The following ILDR2 variants were observed in gnomAD, a reference collection of about 807,000 sequenced individuals.
The protein encoded by ILDR2 is immunoglobulin-like domain-containing receptor 2.
In ILDR2, 25 loss-of-function variants were observed where a neutral mutation model predicts 66.8. The observed-to-expected ratio is 0.37, with a 90% CI of 0.27 to 0.52. ILDR2 has a LOEUF of 0.52. ILDR2 is among the 20% of genes least tolerant of loss of function. The probability of loss-of-function intolerance (pLI) is 0.88; values close to 1 mark genes in which losing one functional copy is unlikely to be tolerated. For synonymous variants in ILDR2, 367 were observed against 357.2 expected, an observed-to-expected ratio of 1.03 and a Z score of -0.31; for missense variants, 827 against 876.8, an observed-to-expected ratio of 0.94 and a Z score of 0.72.
In ILDR2 at chr1:166,938,295, C is replaced by G. The variant is rs76929931; in HGVS notation, c.556+1219G>C. Reference sequence around the variant, plus strand: ...TTGGGTCAAGCATTCAAGGATAAGACTGGAAAGTTATATGTGAGAAACAAA... The same window carrying G: ...TTGGGTCAAGCATTCAAGGATAAGAGTGGAAAGTTATATGTGAGAAACAAA... On this transcript the variant is annotated intron_variant, in intron 4 of 9. Transcript: ENST00000271417. 1.2e-3 allele frequency among the ~76,000 whole-genome samples: 180 copies of G among 152,252 alleles called. 1 individual carries two copies. In the East Asian group the frequency reaches 0.03, roughly 26 times the overall value.
chr1:166,966,408 T>C (rs548376448), intron 1 of ILDR2, among the ~76,000 whole-genome samples: 1 of 152,136 alleles, frequency 6.6e-6, no homozygotes, highest in East Asian at 1.9e-4. Flanking sequence ...TCGTATGTTT[T>C]CCCCCCAAGA....
chr1:166,922,517 TC>T, intron 8 of ILDR2, 75 bp downstream of exon 8: 1 of 1,165,262 alleles, frequency 8.6e-7, no homozygotes. Flanking sequence ...GATGGCATCT[TC>T]CTTGCCTCCG....
chr1:166,963,522 G>A (rs751504613), intron 1 of ILDR2, among the ~76,000 whole-genome samples: 10 of 152,184 alleles, frequency 6.6e-5, no homozygotes, highest in Non-Finnish European at 1.2e-4. Flanking sequence ...ACCTGGGTTT[G>A]AGAATAGCCA....
chr1:166,957,388 G>A (rs1662343300), intron 2 of ILDR2, among the ~76,000 whole-genome samples: 1 of 152,132 alleles, frequency 6.6e-6, no homozygotes, highest in East Asian at 1.9e-4. Flanking sequence ...CAGCAAAAAA[G>A]TCTGCTTTCC....
At chr1:166,952,979 A>T (rs1662071340) in intron 3 of ILDR2, among the ~76,000 whole-genome samples, 1 of 152,192 alleles carries the variant, frequency 6.6e-6, no homozygotes, top group South Asian at 2.1e-4. Context: ...ACAATTTTAT[A>T]AACTACAACT....
chr1:166,943,828 C>G, intron 3 of ILDR2: 1 of 985,308 alleles, frequency 1.0e-6, no homozygotes, highest in Non-Finnish European at 1.2e-6. Flanking sequence ...GTGGCAATTA[C>G]AAGTCACTTT....
At position 166,922,814 on chromosome 1, in the gene ILDR2, A is replaced by G; in HGVS notation, c.995-5T>C. The G allele has an allele frequency of 6.2e-7, 1 of 1,612,900 alleles. No homozygotes were observed. Among genetic ancestry groups the G allele is most frequent in the Non-Finnish European group, 8.5e-7 (1 of 1,178,854 alleles). ...GTTCTGAGATGGTGTTGTTATCTGC[A>G]GGGACAAAATCAGGCATGATAGAGC... is the stretch of plus-strand genomic sequence containing the variant. On this transcript the variant is annotated splice_polypyrimidine_tract_variant and splice_region_variant and intron_variant, in intron 7 of 9. Coordinates refer to ENST00000271417, the MANE Select transcript of ILDR2 (RefSeq NM_199351.3).
At chr1:166,925,277 C>G (rs1276247310) in intron 7 of ILDR2, among the ~76,000 whole-genome samples, 1 of 152,196 alleles carries the variant, frequency 6.6e-6, no homozygotes, top group African/African-American at 2.4e-5. Flanking sequence ...TTCCATGATC[C>G]AGCCCATGGT....
In ILDR2 at chr1:166,908,642, A is replaced by T. The variant is rs1484619410; in HGVS notation, c.*10713T>A. The T allele has an allele frequency of 6.6e-6, 1 of 152,304 alleles. No homozygotes were observed. Among genetic ancestry groups the T allele is most frequent in the Non-Finnish European group, 1.5e-5 (1 of 68,086 alleles). The allele number at this position is 152,304 out of a possible 1,614,324, so 9.4% of individuals were successfully genotyped here. A position where few individuals can be genotyped will look rare whatever the true frequency, so the allele number is the denominator to read the frequency against. On this transcript the variant is annotated 3_prime_UTR_variant, in exon 10 of 10. Coordinates refer to ENST00000271417, the MANE Select transcript of ILDR2 (RefSeq NM_199351.3). ...AGTAGAAGGTGAATAATTAGGAGAC[A>T]ACAGGAAGTAGGAGACAAGAAATGA...
intron 1 of ILDR2, among the ~76,000 whole-genome samples, chr1:166,959,001 C>A (rs1382290351): frequency 6.6e-6 from 1 of 152,214 alleles, no homozygotes. Flanking sequence ...CCTCTCACCT[C>A]TTGAAACACC....
At chr1:166,907,653 G>A (rs916877086), downstream of ILDR2, among the ~76,000 whole-genome samples, 1 of 152,084 alleles carries the variant, frequency 6.6e-6, no homozygotes, top group African/African-American at 2.4e-5. Flanking sequence ...AATAATCAGA[G>A]GAATGTGAGA....
chr1:166,956,608 G>A, intron 3 of ILDR2, 125 bp downstream of exon 3: 1 of 962,726 alleles, frequency 1.0e-6, no homozygotes, highest in South Asian at 1.7e-5. Flanking sequence ...AAGGGAGTGT[G>A]CATGAAAGAT....
At chr1:166,924,473 T>C (rs1260532758) in intron 7 of ILDR2, among the ~76,000 whole-genome samples, 1 of 152,220 alleles carries the variant, frequency 6.6e-6, no homozygotes, top group African/African-American at 2.4e-5. Flanking sequence ...AAGTTGTATA[T>C]TGTGCTAAAA....
intron 7 of ILDR2, 135 bp downstream of exon 7, chr1:166,926,931 TC>T (rs1383517506): frequency 8.9e-6 from 5 of 559,298 alleles, no homozygotes; most frequent in Non-Finnish European, 1.6e-5. Flanking sequence ...GCTACTTTCT[TC>T]AGTAGTGTCA....
At chr1:166,964,422 A>G (rs769434715) in intron 1 of ILDR2, among the ~76,000 whole-genome samples, 17 of 152,250 alleles carry the variant, frequency 1.1e-4, no homozygotes, top group Non-Finnish European at 2.1e-4. Context: ...ATTTCTAACT[A>G]TAAGGTCCCT....
chr1:166,905,695 T>C (rs912467091), downstream of ILDR2, among the ~76,000 whole-genome samples: 3 of 152,198 alleles, frequency 2.0e-5, no homozygotes, highest in Non-Finnish European at 4.4e-5. Flanking sequence ...TAAAAACACA[T>C]ACAAACAGCT....
In ILDR2 at chr1:166,922,616, C is replaced by T. The variant is rs201890481; in HGVS notation, c.1188G>A (p.Glu396=). 3.1e-6 allele frequency: 5 copies of T among 1,614,076 alleles called. No individual in the cohort carries two copies. The African/African-American group carries it at 6.7e-5, about 22-fold the overall frequency. The change falls in exon 8 of 10, where the codon GAG becomes GAA. Residue 396 remains glutamate (E), a synonymous_variant. Coordinates refer to ENST00000271417, the MANE Select transcript of ILDR2 (RefSeq NM_199351.3). Reference sequence around the variant, plus strand: ...ACCTGTGCCTGAAGCTCTCTCGATCCTCTTTGTTATACTCCATGGCTGAGG... The same window carrying T: ...ACCTGTGCCTGAAGCTCTCTCGATCTTCTTTGTTATACTCCATGGCTGAGG... ...RGPSAMEYNK[E]DRESFRHSQP...
chr1:166,954,437 G>T (rs1233952882), intron 3 of ILDR2, among the ~76,000 whole-genome samples: 4 of 152,144 alleles, frequency 2.6e-5, no homozygotes, highest in Non-Finnish European at 4.4e-5. Context: ...AATTTTTGTA[G>T]ATTTCTAACT....
Position 166,919,191 on chromosome 1 carries a change from C to A in ILDR2, c.*164G>T. 1.6e-6 allele frequency: 1 copy of A among 628,934 alleles called. No homozygotes were observed. Among genetic ancestry groups the A allele is most frequent in the Non-Finnish European group, 2.8e-6 (1 of 351,966 alleles). The allele number at this position is 628,934 out of a possible 1,614,324, so 39.0% of individuals were successfully genotyped here. A position where few individuals can be genotyped will look rare whatever the true frequency, so the allele number is the denominator to read the frequency against. On this transcript the variant is annotated 3_prime_UTR_variant, in exon 10 of 10. Coordinates refer to ENST00000271417, the MANE Select transcript of ILDR2 (RefSeq NM_199351.3). ...TTAGATGGGCACAGAGGTTTGAAAT[C>A]AGCCTCCCTTAAAGGCTGCCTGCCA...
Sources: allele counts gnomAD v4.1 joint callset (sites outside exome capture counted in the v4.1 genomes callset), GRCh38; gene constraint gnomAD v4.1.1; transcripts MANE v1.5; gene names NCBI Gene and HGNC (gene_info 2026-07-23, HGNC 2026-07-21).